The following CRACDL variants were observed in gnomAD, a reference collection of about 807,000 sequenced individuals.
CRACDL encodes the protein CRACD-like protein.
In CRACDL, 26 loss-of-function variants were observed where a neutral mutation model predicts 70.6. The observed-to-expected ratio is 0.37, with a 90% CI of 0.27 to 0.51. The LOEUF is 0.51. Ranked by LOEUF, CRACDL falls within the 20% of genes least tolerant of loss-of-function variation. CRACDL has a pLI of 0.94. For synonymous variants in CRACDL, 618 were observed against 615.2 expected (o/e 1.00, Z -0.07); for missense variants, 1,283 against 1,376.9 (o/e 0.93, Z 1.08).
At chr2:98,895,361 G>A (rs191818293) in intron 1 of CRACDL, among the ~76,000 whole-genome samples, 52 of 152,310 alleles carry the variant, frequency 3.4e-4, no homozygotes, top group Admixed American at 1.1e-3. Context: ...CAGGAAGGAC[G>A]GACGCTCAGC....
intron 1 of CRACDL, among the ~76,000 whole-genome samples, chr2:98,902,734 C>T (rs1342882776): frequency 1.3e-5 from 2 of 152,088 alleles, no homozygotes; most frequent in South Asian, 2.1e-4. Flanking sequence ...GAACTTGCCA[C>T]GGCCCAGCCT....
intron 1 of CRACDL, among the ~76,000 whole-genome samples, chr2:98,866,947 G>C (rs1707170166): frequency 6.6e-6 from 1 of 152,164 alleles, no homozygotes; most frequent in African/African-American, 2.4e-5. Context: ...TAGCCACACA[G>C]AGCTGAAGTC....
At chr2:98,926,573 G>A (rs1708914392) in intron 1 of CRACDL, among the ~76,000 whole-genome samples, 1 of 152,166 alleles carries the variant, frequency 6.6e-6, no homozygotes, top group South Asian at 2.1e-4. Flanking sequence ...GGTTGCTAAA[G>A]ACAATGTGTC....
intron 1 of CRACDL, among the ~76,000 whole-genome samples, chr2:98,915,728 A>T (rs970772213): frequency 2.0e-5 from 3 of 152,132 alleles, no homozygotes; most frequent in African/African-American, 7.2e-5. Context: ...CATGAGTGAC[A>T]CGTGGAAGTT....
chr2:98,894,093 C>T (rs940793893), intron 1 of CRACDL, among the ~76,000 whole-genome samples: 1 of 152,246 alleles, frequency 6.6e-6, no homozygotes, highest in African/African-American at 2.4e-5. Flanking sequence ...CTCCCCTACA[C>T]ACCACTTCCT....
At chr2:98,893,820 G>A (rs944125401) in intron 1 of CRACDL, among the ~76,000 whole-genome samples, 1 of 152,194 alleles carries the variant, frequency 6.6e-6, no homozygotes, top group African/African-American at 2.4e-5. Context: ...GGAAATCCAT[G>A]CCGTCAGGGG....
chr2:98,844,737 T>G (rs1706178161), intron 2 of CRACDL, among the ~76,000 whole-genome samples: 1 of 152,260 alleles, frequency 6.6e-6, no homozygotes, highest in South Asian at 2.1e-4. Context: ...TGGTTATTAC[T>G]GACTATATGC....
chr2:98,885,405 T>C (rs773080953), intron 1 of CRACDL, among the ~76,000 whole-genome samples: 15 of 152,162 alleles, frequency 9.9e-5, no homozygotes, highest in Admixed American at 2.0e-4. Flanking sequence ...AGTTTTGTTA[T>C]GGTGGTAAAA....
At chr2:98,911,514 T>G (rs762327644) in intron 1 of CRACDL, among the ~76,000 whole-genome samples, 1 of 152,142 alleles carries the variant, frequency 6.6e-6, no homozygotes, top group Non-Finnish European at 1.5e-5. Flanking sequence ...CCAGGCCCAG[T>G]TGTCATCCAA....
intron 1 of CRACDL, among the ~76,000 whole-genome samples, chr2:98,847,921 C>A (rs6713991): frequency 0.49 from 74,298 of 151,950 alleles, 19,308 homozygotes; most frequent in African/African-American, 0.68. Context: ...TCTAATATTT[C>A]GATTTCTTCT....
intron 1 of CRACDL, among the ~76,000 whole-genome samples, chr2:98,849,834 A>G (rs1706409521): frequency 6.6e-6 from 1 of 152,190 alleles, no homozygotes; most frequent in African/African-American, 2.4e-5. Flanking sequence ...GGGTGGAGGA[A>G]GGTGGCAAAA....
At chr2:98,918,852 A>C (rs1365771057) in intron 1 of CRACDL, among the ~76,000 whole-genome samples, 1 of 152,140 alleles carries the variant, frequency 6.6e-6, no homozygotes, top group Non-Finnish European at 1.5e-5. Flanking sequence ...TTGGATACAT[A>C]GTTTGTAAAT....
intron 2 of CRACDL, among the ~76,000 whole-genome samples, chr2:98,843,438 A>G (rs1706122128): frequency 6.6e-6 from 1 of 152,194 alleles, no homozygotes; most frequent in South Asian, 2.1e-4. Flanking sequence ...TTATGGATTC[A>G]GGTATTATAT....
At chr2:98,824,558 C>T (rs770716918) in intron 6 of CRACDL, among the ~76,000 whole-genome samples, 11 of 152,118 alleles carry the variant, frequency 7.2e-5, no homozygotes, top group Non-Finnish European at 1.6e-4. Context: ...TCAAAAGTAA[C>T]ATGTGGAAAT....
chr2:98,800,491 C>G (rs559342077), intron 7 of CRACDL, among the ~76,000 whole-genome samples: 1 of 152,020 alleles, frequency 6.6e-6, no homozygotes, highest in African/African-American at 2.4e-5. Context: ...TGTAGAGGGA[C>G]GAGAGGCTGG....
chr2:98,905,249 CAAA>C (rs749724315), intron 1 of CRACDL, among the ~76,000 whole-genome samples: 4 of 61,748 alleles, frequency 6.5e-5, no homozygotes, highest in Non-Finnish European at 5.8e-5. Context: ...GACTCTGTCT[CAAA>C]AAAAAAAAAA....
chr2:98,883,829 G>C (rs186591374), intron 1 of CRACDL, among the ~76,000 whole-genome samples: 2 of 152,174 alleles, frequency 1.3e-5, no homozygotes, highest in Non-Finnish European at 2.9e-5. Flanking sequence ...GTTTAGGACC[G>C]AATGAGATGA....
chr2:98,862,943 T>C (rs1706994498), intron 1 of CRACDL, among the ~76,000 whole-genome samples: 1 of 152,170 alleles, frequency 6.6e-6, no homozygotes, highest in Non-Finnish European at 1.5e-5. Flanking sequence ...TATATGTTTA[T>C]ACATACATAT....
intron 1 of CRACDL, among the ~76,000 whole-genome samples, chr2:98,866,984 T>G (rs753119242): frequency 9.2e-5 from 14 of 152,140 alleles, no homozygotes; most frequent in Non-Finnish European, 1.6e-4. Context: ...CCCCTCGGTT[T>G]GGGAGTAAAG....
Sources: allele counts gnomAD v4.1 joint callset (sites outside exome capture counted in the v4.1 genomes callset), GRCh38; gene constraint gnomAD v4.1.1; transcripts MANE v1.5; gene names NCBI Gene and HGNC (gene_info 2026-07-23, HGNC 2026-07-21).